The following DDTL variants were observed in gnomAD, a reference collection of about 807,000 sequenced individuals.
The protein encoded by DDTL is putative D-dopachrome decarboxylase-like protein.
In DDTL, 1 loss-of-function variant was observed where a neutral mutation model predicts 1.1. The ratio of observed to expected loss-of-function variants is 0.91; its 90% confidence interval spans 0.32 to 4.31. The LOEUF (loss-of-function observed/expected upper bound fraction) is 4.31. Among genes scored for constraint, DDTL ranks in the 30% most tolerant of loss-of-function variants. DDTL has a pLI of 0.17. For synonymous variants in DDTL, 21 were observed against 16.6 expected (o/e 1.26, Z -0.64); for missense variants, 54 against 48.9 (o/e 1.10, Z -0.31).
In DDTL at chr22:23,971,479, C is replaced by T; in HGVS notation, c.*73C>T. On this transcript the variant is annotated 3_prime_UTR_variant, in exon 3 of 3. Transcript: ENST00000215770. ...AATCCAAAGCTGGTTATCTCCAGGC[C>T]CTCACTCTGCCAAGAGATCTCTCTG... 6.2e-7 allele frequency: 1 copy of T among 1,607,728 alleles called. No homozygotes were observed. The highest frequency in any genetic ancestry group is 1.1e-5 in the South Asian group (1 of 90,522).
At position 23,971,664 on chromosome 22, in the gene DDTL, T is replaced by A; in HGVS notation, c.*258T>A. The A allele has an allele frequency of 1.3e-6, 2 of 1,577,900 alleles. No homozygotes were observed. Among genetic ancestry groups the A allele is most frequent in the Non-Finnish European group, 8.7e-7 (1 of 1,151,604 alleles). ...AAAAAGATATCATCAGCTCCTTGGC[T>A]AATACCACATCTTGCAAGACCCCTG... is the stretch of plus-strand genomic sequence containing the variant. On this transcript the variant is annotated 3_prime_UTR_variant, in exon 3 of 3. Transcript: ENST00000215770.
chr22:23,971,621 A>G lies in DDTL; in HGVS notation c.*215A>G. The G allele has an allele frequency of 6.2e-7, 1 of 1,614,012 alleles. No individual in the cohort carries two copies. Among genetic ancestry groups the G allele is most frequent in the Non-Finnish European group, 8.5e-7 (1 of 1,179,916 alleles). On this transcript the variant is annotated 3_prime_UTR_variant, in exon 3 of 3. Coordinates refer to ENST00000215770, the MANE Select transcript of DDTL (RefSeq NM_001084393.2). ...CTCCAAGGGGAAAAAGCGGATAAGT[A>G]TCCTTCAGGAGACAGAGAAAAAGAT...
intron 2 of DDTL, among the ~76,000 whole-genome samples, chr22:23,970,366 T>C (rs891747771): frequency 6.6e-6 from 1 of 152,178 alleles, no homozygotes; most frequent in African/African-American, 2.4e-5. Flanking sequence ...GAATTGTGTG[T>C]AAATGTGAGC....
intron 2 of DDTL, chr22:23,969,302 T>C (rs949709312): frequency 1.0e-6 from 1 of 985,318 alleles, no homozygotes. Context: ...GCACAGACAT[T>C]AGTGGTGGGG....
intron 2 of DDTL, among the ~76,000 whole-genome samples, chr22:23,970,709 G>A (rs542395070): frequency 6.6e-6 from 1 of 152,292 alleles, no homozygotes; most frequent in African/African-American, 2.4e-5. Flanking sequence ...ATGTGTGTAT[G>A]TGCATGGTGT....
rs1192832280 is a variant in DDTL at position 23,969,511 on chromosome 22, C to T, written c.285-1775C>T. The stretch of plus-strand genomic sequence containing the variant: ...ATGCTGATGTGCAGCCACCATTCCA[C>T]ACCTGAGTGTCCCACTGCCCTGCTG... On this transcript the variant is annotated intron_variant, in intron 2 of 2. Transcript: ENST00000215770. 5 of 985,620 alleles carry T rather than the reference C, an allele frequency of 5.1e-6. No individual in the cohort carries two copies. The South Asian group carries it at 1.9e-4, about 37-fold the overall frequency. The allele number at this position is 985,620 out of a possible 1,614,324, so 61.1% of individuals were successfully genotyped here. A position where few individuals can be genotyped will look rare whatever the true frequency, so the allele number is the denominator to read the frequency against.
chr22:23,970,972 T>C (rs930071717), intron 2 of DDTL, among the ~76,000 whole-genome samples: 1 of 151,046 alleles, frequency 6.6e-6, no homozygotes, highest in Non-Finnish European at 1.5e-5. Context: ...GGACCCTGCT[T>C]CTGGAAAACC....
At chr22:23,971,228 G>A (rs2146209007) in intron 2 of DDTL, 58 bp from the exon 3 acceptor site, 1 of 1,552,736 alleles carries the variant, frequency 6.4e-7, no homozygotes, top group East Asian at 2.3e-5. Flanking sequence ...GGAGAGCAGA[G>A]CCTCCAGGCT....
At position 23,971,906 on chromosome 22, in the gene DDTL, T is replaced by G. The variant is rs2033912717; in HGVS notation, c.*500T>G. 5.4e-6 allele frequency: 2 copies of G among 371,934 alleles called. No homozygotes were observed. The highest frequency in any genetic ancestry group is 8.6e-5 in the Admixed American group (2 of 23,158). The allele number at this position is 371,934 out of a possible 1,614,324, so 23.0% of individuals were successfully genotyped here. A position where few individuals can be genotyped will look rare whatever the true frequency, so the allele number is the denominator to read the frequency against. Reference sequence around the variant, plus strand: ...GTACACTCTATCATCTCCATCAGTTTGTGTACTGAGGGGTACCCTGCCTCC... The same window carrying G: ...GTACACTCTATCATCTCCATCAGTTGGTGTACTGAGGGGTACCCTGCCTCC... On this transcript the variant is annotated 3_prime_UTR_variant, in exon 3 of 3. Coordinates refer to ENST00000215770, the MANE Select transcript of DDTL (RefSeq NM_001084393.2).
chr22:23,970,114 G>T (rs2033872124), intron 2 of DDTL, among the ~76,000 whole-genome samples: 1 of 152,182 alleles, frequency 6.6e-6, no homozygotes, highest in Non-Finnish European at 1.5e-5. Flanking sequence ...TGTGTTCAGG[G>T]CTCTCCAGCA....
Position 23,971,678 on chromosome 22 carries a change from G to C in DDTL, c.*272G>C. ...AGCTCCTTGGCTAATACCACATCTT[G>C]CAAGACCCCTGCCAGGTACTCCCAC... On this transcript the variant is annotated 3_prime_UTR_variant, in exon 3 of 3. Transcript: ENST00000215770. 3 of 1,530,400 alleles carry C rather than the reference G, an allele frequency of 2.0e-6. No homozygotes were observed. The highest frequency in any genetic ancestry group is 1.4e-5 in the African/African-American group (1 of 73,050). The allele number at this position is 1,530,400 out of a possible 1,614,324, so 94.8% of individuals were successfully genotyped here. A position where few individuals can be genotyped will look rare whatever the true frequency, so the allele number is the denominator to read the frequency against.
At position 23,971,766 on chromosome 22, in the gene DDTL, T is replaced by A; in HGVS notation, c.*360T>A. The A allele has an allele frequency of 1.4e-6, 1 of 711,400 alleles. No homozygotes were observed. Among genetic ancestry groups the A allele is most frequent in the Non-Finnish European group, 2.3e-6 (1 of 432,850 alleles). 44.1% of individuals were successfully genotyped at this position (711,400 alleles called of 1,614,324 possible). On this transcript the variant is annotated 3_prime_UTR_variant, in exon 3 of 3. Coordinates refer to ENST00000215770, the MANE Select transcript of DDTL (RefSeq NM_001084393.2). Reference sequence around the variant, plus strand: ...CATTTTGCAAACCTGCTCATCCCAATAATGATTTTCCCCAACCCCCAGCAG... The same window carrying A: ...CATTTTGCAAACCTGCTCATCCCAAAAATGATTTTCCCCAACCCCCAGCAG...
intron 2 of DDTL, among the ~76,000 whole-genome samples, chr22:23,970,255 T>A (rs1425875327): frequency 7.1e-6 from 1 of 141,840 alleles, no homozygotes; most frequent in Non-Finnish European, 1.5e-5. Context: ...TGTGTGCGAA[T>A]GTCAGTGAAC....
chr22:23,969,321 C>T, intron 2 of DDTL: 1 of 985,152 alleles, frequency 1.0e-6, no homozygotes, highest in Non-Finnish European at 1.2e-6. Flanking sequence ...GGGGGCCACC[C>T]TGTGCCCAAC....
rs370344968 is a variant in DDTL, at chr22:23,969,308, T to G, written c.284+1747T>G. ...TGGCTTATGGCACAGACATTAGTGG[T>G]GGGGGGGCCACCCTGTGCCCAACCT... On this transcript the variant is annotated intron_variant, in intron 2 of 2. Coordinates refer to ENST00000215770, the MANE Select transcript of DDTL (RefSeq NM_001084393.2). 1.6e-4 allele frequency: 161 copies of G among 984,546 alleles called. 1 individual carries two copies. The South Asian group carries it at 6.5e-3, about 40-fold the overall frequency. The allele number at this position is 984,546 out of a possible 1,614,324, so 61.0% of individuals were successfully genotyped here. A position where few individuals can be genotyped will look rare whatever the true frequency, so the allele number is the denominator to read the frequency against.
At position 23,971,701 on chromosome 22, in the gene DDTL, C is replaced by CA; in HGVS notation, c.*296dup. ...TTGCAAGACCCCTGCCAGGTACTCC[C>CA]ACTGTGGGTACTCAGGACAGCCTGC... On this transcript the variant is annotated 3_prime_UTR_variant, in exon 3 of 3. Coordinates refer to ENST00000215770, the MANE Select transcript of DDTL (RefSeq NM_001084393.2). 2 of 1,342,718 alleles carry CA rather than the reference C, an allele frequency of 1.5e-6. No homozygotes were observed. Among genetic ancestry groups the CA allele is most frequent in the Non-Finnish European group, 2.1e-6 (2 of 958,704 alleles). The allele number at this position is 1,342,718 out of a possible 1,614,324, so 83.2% of individuals were successfully genotyped here.
chr22:23,972,285 G>T lies in DDTL; in HGVS notation c.*879G>T, dbSNP rs890575562. 401 of 908,160 alleles carry T rather than the reference G, an allele frequency of 4.4e-4. No individual in the cohort carries two copies. Among genetic ancestry groups the T allele is most frequent in the Non-Finnish European group, 5.0e-4 (379 of 761,910 alleles). The allele number at this position is 908,160 out of a possible 1,614,324, so 56.3% of individuals were successfully genotyped here. ...GTACCTGTAGAGGACCTAGCACATG[G>T]TAAGTGTATAACACTTGTTGTTAGA... On this transcript the variant is annotated 3_prime_UTR_variant, in exon 3 of 3. Transcript: ENST00000215770.
Position 23,971,581 on chromosome 22 carries a change from G to C in DDTL, c.*175G>C. 6.2e-7 allele frequency: 1 copy of C among 1,614,102 alleles called. No individual in the cohort carries two copies. Among genetic ancestry groups the C allele is most frequent in the Non-Finnish European group, 8.5e-7 (1 of 1,180,010 alleles). On this transcript the variant is annotated 3_prime_UTR_variant, in exon 3 of 3. Transcript: ENST00000215770. ...AAAAAGTCATGACCGTCCCTATCTT[G>C]CCAATCTGCCAGGACTCCAAGGGGA... is the stretch of plus-strand genomic sequence containing the variant.
rs551107747 is a variant in DDTL at position 23,971,712 on chromosome 22, C to A, written c.*306C>A. The A allele has an allele frequency of 5.8e-6, 7 of 1,199,058 alleles. No individual in the cohort carries two copies. The highest frequency in any genetic ancestry group is 8.3e-6 in the Non-Finnish European group (7 of 841,062). The allele number at this position is 1,199,058 out of a possible 1,614,324, so 74.3% of individuals were successfully genotyped here. A position where few individuals can be genotyped will look rare whatever the true frequency, so the allele number is the denominator to read the frequency against. ...CTGCCAGGTACTCCCACTGTGGGTACTCAGGACAGCCTGCCTCAGTCCACC... is the reference window on the plus strand; with the variant it reads ...CTGCCAGGTACTCCCACTGTGGGTAATCAGGACAGCCTGCCTCAGTCCACC... On this transcript the variant is annotated 3_prime_UTR_variant, in exon 3 of 3. Transcript: ENST00000215770.
Sources: gnomAD v4.1 joint callset for allele counts (sites outside exome capture counted in the v4.1 genomes callset) on GRCh38, gnomAD v4.1.1 for gene constraint, MANE v1.5 for transcripts, NCBI Gene and HGNC (gene_info 2026-07-23, HGNC 2026-07-21) for gene names.